The following AUTS2 variants were observed in gnomAD, a reference collection of about 807,000 sequenced individuals.
The protein encoded by AUTS2 is autism susceptibility gene 2 protein.
Under a neutral mutation model 112.4 loss-of-function variants are expected in AUTS2, and 17 were observed. That is an observed-to-expected ratio of 0.15 (90% CI 0.10 to 0.23). The LOEUF is 0.23. Ranked by LOEUF, AUTS2 falls within the 10% of genes least tolerant of loss-of-function variation. The probability of loss-of-function intolerance (pLI) is 1.00; values close to 1 mark genes in which losing one functional copy is unlikely to be tolerated. For synonymous variants in AUTS2, 751 were observed against 702.7 expected (o/e 1.07, Z -1.09); for missense variants, 1,510 against 1,701.6 (o/e 0.89, Z 1.98).
At chr7:70,557,779 T>C (rs1801312457) in intron 5 of AUTS2, among the ~76,000 whole-genome samples, 1 of 152,230 alleles carries the variant, frequency 6.6e-6, no homozygotes, top group Admixed American at 6.5e-5. Context: ...TGACTGTCAA[T>C]ATCACCTTTT....
chr7:70,487,881 G>T (rs962894870), intron 5 of AUTS2, among the ~76,000 whole-genome samples: 1 of 152,180 alleles, frequency 6.6e-6, no homozygotes, highest in African/African-American at 2.4e-5. Context: ...GAAGCATTCG[G>T]TGTGCATGTC....
intron 4 of AUTS2, chr7:70,291,589 C>T (rs1788710200): frequency 1.3e-5 from 2 of 152,192 alleles, no homozygotes; most frequent in Admixed American, 1.3e-4. Flanking sequence ...CACTGTATAA[C>T]TGACAATGTC....
chr7:69,643,975 G>A (rs983257802), intron 1 of AUTS2, among the ~76,000 whole-genome samples: 1 of 152,082 alleles, frequency 6.6e-6, no homozygotes, highest in Non-Finnish European at 1.5e-5. Context: ...CATACATAAG[G>A]TTCACAATTC....
chr7:70,742,218 A>G (rs755907771), intron 6 of AUTS2, among the ~76,000 whole-genome samples: 4 of 152,074 alleles, frequency 2.6e-5, no homozygotes, highest in Non-Finnish European at 5.9e-5. Flanking sequence ...AGATTGGCTT[A>G]TTTTTGCTAG....
intron 1 of AUTS2, among the ~76,000 whole-genome samples, chr7:69,653,615 A>G (rs1480118272): frequency 6.6e-6 from 1 of 151,190 alleles, no homozygotes; most frequent in African/African-American, 2.4e-5. Context: ...ATGTGCATGC[A>G]TGTGCCCACA....
chr7:70,212,404 C>T (rs920717450), intron 4 of AUTS2, among the ~76,000 whole-genome samples: 4 of 152,188 alleles, frequency 2.6e-5, no homozygotes, highest in Non-Finnish European at 5.9e-5. Context: ...TCCTTTGCTC[C>T]ATTAGAAGGG....
intron 5 of AUTS2, among the ~76,000 whole-genome samples, chr7:70,466,534 G>A (rs1404309659): frequency 2.6e-5 from 4 of 152,210 alleles, no homozygotes. Context: ...CCCTTAAAAT[G>A]TAAGGTGAAA....
intron 5 of AUTS2, among the ~76,000 whole-genome samples, chr7:70,485,456 T>C (rs971645180): frequency 1.3e-5 from 2 of 152,008 alleles, no homozygotes; most frequent in African/African-American, 2.4e-5. Context: ...ATATTGGACT[T>C]TGGGGACTCG....
chr7:70,568,481 G>A (rs1482228020), intron 5 of AUTS2, among the ~76,000 whole-genome samples: 1 of 152,178 alleles, frequency 6.6e-6, no homozygotes, highest in Non-Finnish European at 1.5e-5. Context: ...TTGAAATTTA[G>A]TGTTCAAGGT....
At chr7:69,826,421 T>C (rs1348157157) in intron 1 of AUTS2, among the ~76,000 whole-genome samples, 1 of 152,164 alleles carries the variant, frequency 6.6e-6, no homozygotes, top group Non-Finnish European at 1.5e-5. Context: ...ACACTGAGCT[T>C]TGGATAGTAC....
At chr7:70,747,641 T>C (rs1215371943) in intron 6 of AUTS2, among the ~76,000 whole-genome samples, 2 of 151,760 alleles carry the variant, frequency 1.3e-5, no homozygotes, top group Admixed American at 1.3e-4. Context: ...GTTTTGTTTT[T>C]GTTTTTGTTT....
At chr7:70,495,298 G>A (rs1798411453) in intron 5 of AUTS2, among the ~76,000 whole-genome samples, 1 of 149,224 alleles carries the variant, frequency 6.7e-6, no homozygotes, top group Admixed American at 6.7e-5. Flanking sequence ...ACTTAAACTA[G>A]GGACCAGATG....
At chr7:70,159,096 C>A (rs1002249531) in intron 4 of AUTS2, among the ~76,000 whole-genome samples, 2 of 152,190 alleles carry the variant, frequency 1.3e-5, no homozygotes, top group African/African-American at 4.8e-5. Flanking sequence ...CATCTCCTCT[C>A]TGAACATTGA....
intron 1 of AUTS2, among the ~76,000 whole-genome samples, chr7:69,645,350 TA>T (rs1463396081): frequency 6.6e-6 from 1 of 152,160 alleles, no homozygotes; most frequent in Non-Finnish European, 1.5e-5. Flanking sequence ...AGCAAATGCA[TA>T]TCTGTAAGTA....
At chr7:70,576,494 G>A (rs1389685989) in intron 5 of AUTS2, among the ~76,000 whole-genome samples, 1 of 152,086 alleles carries the variant, frequency 6.6e-6, no homozygotes, top group African/African-American at 2.4e-5. Context: ...TTAGAAGGTT[G>A]GACTTAGAGC....
chr7:70,651,972 T>C (rs1055875653), intron 5 of AUTS2, among the ~76,000 whole-genome samples: 4 of 152,154 alleles, frequency 2.6e-5, no homozygotes, highest in Admixed American at 2.0e-4. Context: ...GATGTTTCTA[T>C]GTGTCTGTAA....
At chr7:70,378,594 A>G (rs989461881) in intron 4 of AUTS2, among the ~76,000 whole-genome samples, 8 of 152,248 alleles carry the variant, frequency 5.3e-5, no homozygotes, top group African/African-American at 1.9e-4. Flanking sequence ...AACTTGCTTA[A>G]GTTCACACAG....
At chr7:70,626,216 A>G (rs1804935238) in intron 5 of AUTS2, among the ~76,000 whole-genome samples, 1 of 149,100 alleles carries the variant, frequency 6.7e-6, no homozygotes, top group Non-Finnish European at 1.5e-5. Context: ...CCTGCTCTGA[A>G]GATCTTTTTT....
At chr7:70,208,600 C>T (rs1810698411) in intron 4 of AUTS2, among the ~76,000 whole-genome samples, 1 of 152,040 alleles carries the variant, frequency 6.6e-6, no homozygotes, top group Non-Finnish European at 1.5e-5. Flanking sequence ...AGAAGCCTTG[C>T]TGTCAAAGAC....
Sources: allele counts gnomAD v4.1 joint callset (sites outside exome capture counted in the v4.1 genomes callset), GRCh38; gene constraint gnomAD v4.1.1; transcripts MANE v1.5; gene names NCBI Gene and HGNC (gene_info 2026-07-23, HGNC 2026-07-21).